Variants in GATA4 observed in about 807,000 individuals in gnomAD.
The protein encoded by GATA4 is transcription factor GATA-4.
A neutral mutation model predicts 37.9 loss-of-function variants in GATA4; 7 were observed. The ratio of observed to expected loss-of-function variants is 0.18; its 90% CI spans 0.11 to 0.35. The LOEUF (loss-of-function observed/expected upper bound fraction) is 0.35. GATA4 is among the 10% of genes least tolerant of loss of function. The pLI is 1.00. For synonymous variants in GATA4, 372 were observed against 292.6 expected, an observed-to-expected ratio of 1.27 and a Z score of -2.77; for missense variants, 647 against 653.0, an observed-to-expected ratio of 0.99 and a Z score of 0.10.
chr8:11,722,559 A>G (rs1052857842), intron 2 of GATA4, among the ~76,000 whole-genome samples: 2 of 152,172 alleles, frequency 1.3e-5, no homozygotes, highest in African/African-American at 2.4e-5. Flanking sequence ...CTTTTAATCT[A>G]TGGGTTTCTC....
At chr8:11,732,979 G>A (rs1323730752) in intron 2 of GATA4, among the ~76,000 whole-genome samples, 1 of 152,124 alleles carries the variant, frequency 6.6e-6, no homozygotes, top group African/African-American at 2.4e-5. Flanking sequence ...CATCACATGT[G>A]GGTTAGGGTT....
intron 2 of GATA4, among the ~76,000 whole-genome samples, chr8:11,719,537 A>G (rs1201959033): frequency 6.6e-6 from 1 of 152,162 alleles, no homozygotes; most frequent in Non-Finnish European, 1.5e-5. Context: ...TATGAAACTC[A>G]ATGTATATTT....
Position 11,708,096 on chromosome 8 carries a change from T to C in GATA4, c.-217T>C, listed in dbSNP as rs908183336. On this transcript the variant is annotated 5_prime_UTR_variant, in exon 2 of 7. Coordinates refer to ENST00000532059, the MANE Select transcript of GATA4 (RefSeq NM_001308093.3). This position sits in a 1 kb window ranked among gnomAD's most constrained non-coding sequence, Gnocchi z 6.7. ...GAACCACCAAAAATTCAAATTGGGATTTTCCGGAGTAAACAAGAGCCTAGA... is the reference window on the plus strand; with the variant it reads ...GAACCACCAAAAATTCAAATTGGGACTTTCCGGAGTAAACAAGAGCCTAGA... 3.1e-6 allele frequency: 2 copies of C among 645,972 alleles called. No individual in the cohort carries two copies. The highest frequency in any genetic ancestry group is 4.8e-5 in the Admixed American group (2 of 41,892). The allele number at this position is 645,972 out of a possible 1,614,324, so 40.0% of individuals were successfully genotyped here.
chr8:11,744,045 G>A (rs373992864), intron 2 of GATA4, among the ~76,000 whole-genome samples: 1 of 152,172 alleles, frequency 6.6e-6, no homozygotes, highest in Non-Finnish European at 1.5e-5. Flanking sequence ...AAGTGAACGC[G>A]GTCAGCCTTG....
chr8:11,758,990 A>C lies in GATA4; in HGVS notation c.*515A>C. 4.8e-6 allele frequency: 1 copy of C among 208,598 alleles called. No individual in the cohort carries two copies. Among genetic ancestry groups the C allele is most frequent in the East Asian group, 1.1e-4 (1 of 8,734 alleles). 12.9% of individuals were successfully genotyped at this position (208,598 alleles called of 1,614,324 possible). On this transcript the variant is annotated 3_prime_UTR_variant, in exon 7 of 7. Coordinates refer to ENST00000532059, the MANE Select transcript of GATA4 (RefSeq NM_001308093.3). The stretch of plus-strand genomic sequence containing the variant: ...TCCCTAATACCAAATCTGACTCCAA[A>C]ATTGTGGGGTGTGACATACAAGTGA...
upstream of GATA4, among the ~76,000 whole-genome samples, chr8:11,701,289 T>A (rs1290470297): frequency 6.8e-6 from 1 of 147,876 alleles, no homozygotes; most frequent in Non-Finnish European, 1.5e-5. Context: ...CAGTGTTAAA[T>A]TCTCCTCCTA....
intron 1 of GATA4, among the ~76,000 whole-genome samples, chr8:11,695,979 T>G (rs1249039888): frequency 6.6e-6 from 1 of 152,176 alleles, no homozygotes; most frequent in East Asian, 1.9e-4. Flanking sequence ...ATCACTTTTC[T>G]AACATATTTT....
chr8:11,723,362 C>T (rs1395579804), intron 2 of GATA4, among the ~76,000 whole-genome samples: 1 of 151,918 alleles, frequency 6.6e-6, no homozygotes, highest in African/African-American at 2.4e-5. Context: ...ACAAAAAAAC[C>T]TCATGGGTTT....
chr8:11,718,467 G>C (rs1397308483), intron 2 of GATA4, among the ~76,000 whole-genome samples: 2 of 152,214 alleles, frequency 1.3e-5, no homozygotes, highest in African/African-American at 4.8e-5. Context: ...TCATTGAAAA[G>C]CCTCTGCAAG....
rs77311682 is a variant in GATA4, at chr8:11,754,754, A to G, written c.913-292A>G. ...TTACATCACCGACCAGAGTCTGGTT[A>G]TTTCTCCTTGTCTGTGAATTTCTGA... On this transcript the variant is annotated intron_variant, in intron 4 of 6. Coordinates refer to ENST00000532059, the MANE Select transcript of GATA4 (RefSeq NM_001308093.3). Among the ~76,000 whole-genome samples the G allele has an allele frequency of 3.9e-3, 592 of 152,198 alleles. 3 individuals carry two copies. The highest frequency in any genetic ancestry group is 0.014 in the African/African-American group (563 of 41,522).
At chr8:11,692,815 C>T in intron 1 of GATA4, 1 of 982,238 alleles carries the variant, frequency 1.0e-6, no homozygotes, top group Non-Finnish European at 1.2e-6. Flanking sequence ...GCAGCGGGCG[C>T]CAGGCCGGGC....
intron 1 of GATA4, among the ~76,000 whole-genome samples, chr8:11,680,167 C>CCCA (rs1190320971): frequency 6.6e-6 from 1 of 152,218 alleles, no homozygotes; most frequent in African/African-American, 2.4e-5. Context: ...TGACGCCGCT[C>CCCA]CCACCTAGGC....
chr8:11,683,568 T>C (rs1421177139), intron 1 of GATA4, among the ~76,000 whole-genome samples: 1 of 152,226 alleles, frequency 6.6e-6, no homozygotes, highest in Non-Finnish European at 1.5e-5. Flanking sequence ...CATTCTTTCA[T>C]TCATTCATTC....
chr8:11,758,208 A>G (rs1251918469), intron 6 of GATA4, 85 bp from the exon 7 acceptor site: 1 of 1,378,810 alleles, frequency 7.3e-7, no homozygotes, highest in Non-Finnish European at 1.0e-6. Context: ...GGACATCTGC[A>G]TAGCAGGGCA....
chr8:11,749,913 C>G lies in GATA4; in HGVS notation c.787-198C>G, dbSNP rs981863889. On this transcript the variant is annotated intron_variant, in intron 3 of 6. Coordinates refer to ENST00000532059, the MANE Select transcript of GATA4 (RefSeq NM_001308093.3). This position sits in a 1 kb window ranked among gnomAD's most constrained non-coding sequence, Gnocchi z 4.6. Reference sequence around the variant, plus strand: ...TTCGCTCTCCTCGGGCAGCAGAAACCTTGTTCTGATTTATTCCTCGCAGTG... The same window carrying G: ...TTCGCTCTCCTCGGGCAGCAGAAACGTTGTTCTGATTTATTCCTCGCAGTG... Among the ~76,000 whole-genome samples, 3 of 152,208 alleles carry G rather than the reference C, an allele frequency of 2.0e-5. No individual in the cohort carries two copies. The highest frequency in any genetic ancestry group is 7.2e-5 in the African/African-American group (3 of 41,442).
At chr8:11,751,721 C>T (rs1239849353) in intron 4 of GATA4, among the ~76,000 whole-genome samples, 3 of 152,176 alleles carry the variant, frequency 2.0e-5, no homozygotes, top group Non-Finnish European at 4.4e-5. Flanking sequence ...TATGCTGAAT[C>T]TCACTAAAAA....
At chr8:11,687,864 C>A (rs1799189779), upstream of GATA4, among the ~76,000 whole-genome samples, 1 of 152,112 alleles carries the variant, frequency 6.6e-6, no homozygotes. Flanking sequence ...AAGCCCTGCC[C>A]CCGTTTCATT....
At position 11,708,498 on chromosome 8, in the gene GATA4, G is replaced by C. The variant is rs1466381420; in HGVS notation, c.186G>C (p.Ala62=). Residue 62 remains alanine (A), a synonymous_variant, in exon 2 of 7, where the codon GCG becomes GCC. Coordinates refer to ENST00000532059, the MANE Select transcript of GATA4 (RefSeq NM_001308093.3). The surrounding 1 kb of genome is among the most constrained non-coding windows in gnomAD (Gnocchi z 6.7). ...SYLQGGGAGS[A]SGGASGGSSG... The stretch of plus-strand genomic sequence containing the variant: ...TCCAGGGCGGAGGCGCGGGCTCTGC[G>C]TCCGGAGGCGCCTCGGGCGGCAGCT... The C allele has an allele frequency of 6.7e-7, 1 of 1,482,410 alleles. No homozygotes were observed. Among genetic ancestry groups the C allele is most frequent in the East Asian group, 2.8e-5 (1 of 35,512 alleles). The allele number at this position is 1,482,410 out of a possible 1,614,324, so 91.8% of individuals were successfully genotyped here.
Position 11,709,584 on chromosome 8 carries a change from G to GT in GATA4, c.616+656_616+657insT, listed in dbSNP as rs1041409520. Among the ~76,000 whole-genome samples the GT allele has an allele frequency of 6.6e-6, 1 of 151,862 alleles. No homozygotes were observed. Among genetic ancestry groups the GT allele is most frequent in the East Asian group, 1.9e-4 (1 of 5,172 alleles). On this transcript the variant is annotated intron_variant, in intron 2 of 6. Coordinates refer to ENST00000532059, the MANE Select transcript of GATA4 (RefSeq NM_001308093.3). The surrounding 1 kb of genome is among the most constrained non-coding windows in gnomAD (Gnocchi z 4.3). ...CGCATCATGCGGGCAGCGGGGGGGG[G>GT]GGCGCACACGCCCGGTCAGTGTCCG... is the stretch of plus-strand genomic sequence containing the variant.
Sources: gnomAD v4.1 joint callset for allele counts (sites outside exome capture counted in the v4.1 genomes callset) on GRCh38, gnomAD v4.1.1 for gene constraint, Gnocchi (gnomAD v3.1) non-coding constraint, MANE v1.5 for transcripts, NCBI Gene and HGNC (gene_info 2026-07-23, HGNC 2026-07-21) for gene names.